TCERG1: variants seen among roughly 807,000 people sequenced by gnomAD.
The protein encoded by TCERG1 is TATA box binding protein (TBP)-associated factor, RNA polymerase II, S, 150kD.
Under a neutral mutation model 144.7 loss-of-function variants are expected in TCERG1, and 37 were observed. The observed-to-expected ratio is 0.26, with a 90% CI of 0.20 to 0.34. The LOEUF (loss-of-function observed/expected upper bound fraction) is 0.34. Among genes scored for constraint, TCERG1 ranks in the 10% least tolerant of loss-of-function variants. The pLI is 1.00. For synonymous variants in TCERG1, 492 were observed against 458.2 expected, an observed-to-expected ratio of 1.07 and a Z score of -0.94; for missense variants, 1,027 against 1,380.7, an observed-to-expected ratio of 0.74 and a Z score of 4.06.
chr5:146,459,631 G>T (rs139228682), intron 4 of TCERG1, among the ~76,000 whole-genome samples: 326 of 152,336 alleles, frequency 2.1e-3, no homozygotes, highest in African/African-American at 7.4e-3. Context: ...ATAAGTGTAA[G>T]TCTTGGTCCC....
chr5:146,495,887 GC>G (rs1157957137), intron 16 of TCERG1, among the ~76,000 whole-genome samples: 1 of 152,210 alleles, frequency 6.6e-6, no homozygotes, highest in Non-Finnish European at 1.5e-5. Flanking sequence ...AGGCGCAGTG[GC>G]TCGCGCCTGT....
At chr5:146,462,702 T>G (rs1222324520) in intron 4 of TCERG1, among the ~76,000 whole-genome samples, 2 of 152,174 alleles carry the variant, frequency 1.3e-5, no homozygotes, top group Non-Finnish European at 2.9e-5. Flanking sequence ...CAGTTAGTCA[T>G]TAGTTATTTG....
chr5:146,475,658 A>T (rs1174884515), intron 9 of TCERG1, among the ~76,000 whole-genome samples: 2 of 152,206 alleles, frequency 1.3e-5, no homozygotes, highest in Non-Finnish European at 2.9e-5. Context: ...CTTGGCAATG[A>T]CCTTGAGCAG....
chr5:146,454,381 C>G (rs1183469105), intron 1 of TCERG1, among the ~76,000 whole-genome samples: 2 of 151,726 alleles, frequency 1.3e-5, no homozygotes, highest in African/African-American at 4.8e-5. Context: ...ATCACGGGGT[C>G]AAGGTATTGC....
rs560410628 is a variant in TCERG1, at chr5:146,471,088, G to A, written c.1512+340G>A. Among the ~76,000 whole-genome samples the A allele has an allele frequency of 1.0e-3, 156 of 152,302 alleles. 4 individuals carry two copies. The highest frequency in any genetic ancestry group is 9.9e-3 in the Admixed American group (152 of 15,302). On this transcript the variant is annotated intron_variant, in intron 8 of 22. Coordinates refer to ENST00000679501, the MANE Select transcript of TCERG1 (RefSeq NM_001382548.1). ...ATATATTTTATCTGTCCTTTCTGCT[G>A]TTGTGTTCTTGCATAGCATGATCCA...
chr5:146,475,453 C>A (rs755995863), intron 9 of TCERG1, among the ~76,000 whole-genome samples: 5 of 152,094 alleles, frequency 3.3e-5, no homozygotes, highest in Non-Finnish European at 7.4e-5. Context: ...TGGCATCTAG[C>A]AGATAGATGC....
In TCERG1 at chr5:146,491,781, G is replaced by A. The variant is rs188284909; in HGVS notation, c.2164-1139G>A. Among the ~76,000 whole-genome samples the A allele has an allele frequency of 1.5e-3, 233 of 152,236 alleles. 2 individuals carry two copies. The Middle Eastern group carries it at 0.041, about 27-fold the overall frequency. On this transcript the variant is annotated intron_variant, in intron 15 of 22. Coordinates refer to ENST00000679501, the MANE Select transcript of TCERG1 (RefSeq NM_001382548.1). ...AAGAGTCAGATAATTTGTATTTTAG[G>A]CTTTGTGGGCCATATGGTCTCTATT...
chr5:146,477,493 C>A (rs1764944325), intron 9 of TCERG1, among the ~76,000 whole-genome samples: 1 of 152,028 alleles, frequency 6.6e-6, no homozygotes. Context: ...GATTTACTCC[C>A]TTGCAGTTGT....
At chr5:146,464,286 A>T (rs1763586722) in intron 5 of TCERG1, among the ~76,000 whole-genome samples, 1 of 152,190 alleles carries the variant, frequency 6.6e-6, no homozygotes, top group South Asian at 2.1e-4. Context: ...ATAAGTGATG[A>T]TGTTGAGATT....
chr5:146,510,020 G>A (rs2150954613), intron 22 of TCERG1: 1 of 1,281,358 alleles, frequency 7.8e-7, no homozygotes, highest in Non-Finnish European at 1.0e-6. Context: ...ATCAGCTTGG[G>A]CTTTTAAATT....
At chr5:146,506,989 A>C in intron 19 of TCERG1, 39 bp from the exon 20 acceptor site, 1 of 1,482,578 alleles carries the variant, frequency 6.7e-7, no homozygotes, top group Non-Finnish European at 9.0e-7. Flanking sequence ...CATTCAGATA[A>C]GTCTCTTTGG....
rs569606214 is a variant in TCERG1, at chr5:146,477,852, C to T, written c.1602-641C>T. Reference sequence around the variant, plus strand: ...CTGGGTCTACAAGCTCGTGCAATCACATCCAGCTAATTTTTTTAATTAATA... The same window carrying T: ...CTGGGTCTACAAGCTCGTGCAATCATATCCAGCTAATTTTTTTAATTAATA... On this transcript the variant is annotated intron_variant, in intron 9 of 22. Transcript: ENST00000679501. 2.6e-4 allele frequency among the ~76,000 whole-genome samples: 39 copies of T among 151,972 alleles called. No homozygotes were observed. The South Asian group carries it at 7.5e-3, about 29-fold the overall frequency.
At position 146,503,975 on chromosome 5, in the gene TCERG1, T is replaced by C. The variant is rs778109828; in HGVS notation, c.2750T>C (p.Ile917Thr). The change falls in exon 19 of 23, where the codon ATC (isoleucine) becomes ACC (threonine). Residue 917 changes from isoleucine to threonine, a missense_variant. This residue lies in a region of TCERG1 where 133 missense variants were observed against 283.2 expected (regional missense o/e 0.47). Transcript: ENST00000679501. ...GAGCAGCACAAACGAGAAGAAGCTA[T>C]CCAGAATTTCAAAGCTCTTCTGTCT... ...EREQHKREEA[I>T]QNFKALLSDM... 6.3e-7 allele frequency: 1 copy of C among 1,589,618 alleles called. No individual in the cohort carries two copies. Among genetic ancestry groups the C allele is most frequent in the Non-Finnish European group, 8.5e-7 (1 of 1,171,134 alleles).
intron 8 of TCERG1, 84 bp from the exon 9 acceptor site, chr5:146,471,404 T>C (rs778562351): frequency 1.3e-4 from 159 of 1,261,926 alleles, no homozygotes; most frequent in Non-Finnish European, 1.7e-4. Flanking sequence ...TTGATTGCAC[T>C]TTGAGCTGTT....
rs755367638 is a variant in TCERG1 at position 146,497,138 on chromosome 5, G to A, written c.2283-1398G>A. ...CCACCTGCCTTGGCCTCCCAAAGTG[G>A]TGAGATTACAGCCATGAGCCACCAC... On this transcript the variant is annotated intron_variant, in intron 16 of 22. Transcript: ENST00000679501. Among the ~76,000 whole-genome samples the A allele has an allele frequency of 3.4e-4, 52 of 151,388 alleles. No individual in the cohort carries two copies. In the Middle Eastern group the frequency reaches 0.01, roughly 30 times the overall value.
intron 17 of TCERG1, 56 bp from the exon 18 acceptor site, chr5:146,503,319 A>T: frequency 6.6e-7 from 1 of 1,521,126 alleles, no homozygotes; most frequent in Non-Finnish European, 8.9e-7. Flanking sequence ...AGATATGATG[A>T]ATTTCTCATG....
chr5:146,447,813 T>A (rs1489712267), intron 1 of TCERG1, among the ~76,000 whole-genome samples: 3 of 152,264 alleles, frequency 2.0e-5, no homozygotes, highest in African/African-American at 7.2e-5. Context: ...ACTCCGCAGT[T>A]ACTTTCCCTG....
At chr5:146,471,108 G>A (rs368548700) in intron 8 of TCERG1, among the ~76,000 whole-genome samples, 2 of 152,182 alleles carry the variant, frequency 1.3e-5, no homozygotes, top group South Asian at 4.1e-4. Context: ...TGCATAGCAT[G>A]ATCCATGTAT....
chr5:146,509,464 A>C, intron 22 of TCERG1, among the ~76,000 whole-genome samples: 1 of 148,978 alleles, frequency 6.7e-6, no homozygotes, highest in African/African-American at 2.5e-5. Flanking sequence ...ATTTTGTGTT[A>C]CCCACCCATC....
Sources: gnomAD v4.1 joint callset for allele counts (sites outside exome capture counted in the v4.1 genomes callset) on GRCh38, gnomAD v4.1.1 for gene constraint, gnomAD v4.1.1 regional missense constraint, MANE v1.5 for transcripts, NCBI Gene and HGNC (gene_info 2026-07-23, HGNC 2026-07-21) for gene names.